Variants in PDE4D observed in about 807,000 individuals in gnomAD.
PDE4D encodes phosphodiesterase 4D, also known as 3',5'-cyclic-AMP phosphodiesterase 4D.
PDE4D carries 24 observed loss-of-function variants against 87.4 expected under a neutral mutation model. The ratio of observed to expected loss-of-function variants is 0.27; its 90% CI spans 0.20 to 0.39. The LOEUF (loss-of-function observed/expected upper bound fraction) is 0.39, where lower values mean the gene tolerates loss of function less well. PDE4D is among the 10% of genes least tolerant of loss of function. PDE4D has a pLI of 1.00. For synonymous variants in PDE4D, 384 were observed against 383.2 expected (o/e 1.00, Z -0.02); for missense variants, 714 against 1,041.0 (o/e 0.69, Z 4.32).
chr5:59,480,421 A>G (rs1804057233), intron 1 of PDE4D, among the ~76,000 whole-genome samples: 1 of 152,272 alleles, frequency 6.6e-6, no homozygotes, highest in Admixed American at 6.5e-5. Flanking sequence ...TCTGAGATTT[A>G]ATAAAAATGC....
chr5:59,302,180 G>T (rs189270088), intron 1 of PDE4D, among the ~76,000 whole-genome samples: 1 of 152,038 alleles, frequency 6.6e-6, no homozygotes, highest in Non-Finnish European at 1.5e-5. Context: ...AAGTTACTGC[G>T]CATGCAAGGA....
intron 1 of PDE4D, among the ~76,000 whole-genome samples, chr5:59,582,994 G>C (rs908549586): frequency 2.0e-5 from 3 of 152,084 alleles, no homozygotes; most frequent in African/African-American, 4.8e-5. Flanking sequence ...GCCTCTCCTA[G>C]CCAGGGCCTT....
chr5:59,634,709 C>G (rs1475766492), intron 1 of PDE4D, among the ~76,000 whole-genome samples: 2 of 152,104 alleles, frequency 1.3e-5, no homozygotes. Flanking sequence ...ATACAATGTA[C>G]CAGAATCTCT....
At chr5:60,390,727 T>G (rs918442131) in intron 1 of PDE4D, among the ~76,000 whole-genome samples, 1 of 151,838 alleles carries the variant, frequency 6.6e-6, no homozygotes, top group Non-Finnish European at 1.5e-5. Context: ...AAGCTACTAT[T>G]AAAAAAATCA....
Position 59,413,708 on chromosome 5 carries a change from T to C in PDE4D, c.456-197740A>G, listed in dbSNP as rs576089189. 4.6e-5 allele frequency among the ~76,000 whole-genome samples: 7 copies of C among 152,320 alleles called. No individual in the cohort carries two copies. In the South Asian group the frequency reaches 1.2e-3, roughly 27 times the overall value. On this transcript the variant is annotated intron_variant, in intron 1 of 14. Transcript: ENST00000340635. ...TAACATCAAACAGCTTTGGAAAAGA[T>C]GTGTAAACACTGTGAATTTTTTGCT...
intron 1 of PDE4D, among the ~76,000 whole-genome samples, chr5:59,457,274 C>A (rs1205505554): frequency 9.9e-5 from 15 of 152,194 alleles, no homozygotes; most frequent in Admixed American, 9.8e-4. Flanking sequence ...AACGTCAAGG[C>A]AAGACTTCCC....
chr5:60,076,795 TTGCA>T (rs1157031045), intron 2 of PDE4D, among the ~76,000 whole-genome samples: 2 of 152,206 alleles, frequency 1.3e-5, no homozygotes, highest in Non-Finnish European at 2.9e-5. Context: ...CTGTTCTCAT[TTGCA>T]TGTGCCAGCA....
chr5:60,376,810 T>C (rs1185659044), intron 1 of PDE4D, among the ~76,000 whole-genome samples: 1 of 152,208 alleles, frequency 6.6e-6, no homozygotes, highest in Non-Finnish European at 1.5e-5. Flanking sequence ...CCTGGAAACT[T>C]TCTCTTCCGC....
At chr5:59,595,784 G>A (rs1826588482) in intron 1 of PDE4D, among the ~76,000 whole-genome samples, 1 of 151,662 alleles carries the variant, frequency 6.6e-6, no homozygotes, top group African/African-American at 2.4e-5. Context: ...CCACCTTTAG[G>A]TCTGCTTGTA....
At chr5:59,155,426 G>A (rs958979206) in intron 5 of PDE4D, among the ~76,000 whole-genome samples, 1 of 152,136 alleles carries the variant, frequency 6.6e-6, no homozygotes, top group African/African-American at 2.4e-5. Flanking sequence ...GAACTAAGAA[G>A]ACAATTAGGA....
chr5:59,511,685 C>G (rs1017134910), intron 1 of PDE4D, among the ~76,000 whole-genome samples: 1 of 151,794 alleles, frequency 6.6e-6, no homozygotes, highest in African/African-American at 2.4e-5. Context: ...GCTTTTTTCA[C>G]TTTGATAAAT....
rs201921285 is a variant in PDE4D, at chr5:59,900,289, T to C, written c.272+88199A>G. On this transcript the variant is annotated intron_variant, in intron 3 of 16. Coordinates refer to the PDE4D transcript ENST00000502484. ...ACACACACACACACACACACACACA[T>C]ATATATATACACTATTTACTTAAAA... 1.2e-3 allele frequency among the ~76,000 whole-genome samples: 153 copies of C among 130,648 alleles called. 1 individual carries two copies. In the East Asian group the frequency reaches 0.019, roughly 17 times the overall value. The allele number at this position is 130,648 out of a possible 152,430, so 85.7% of individuals were successfully genotyped here.
intron 6 of PDE4D, among the ~76,000 whole-genome samples, chr5:58,996,374 A>G (rs1749226285): frequency 6.6e-6 from 1 of 152,234 alleles, no homozygotes; most frequent in African/African-American, 2.4e-5. Context: ...AGTCTGCTAA[A>G]CATTTTAAAC....
At chr5:59,576,428 CAA>C (rs1316154411) in intron 1 of PDE4D, among the ~76,000 whole-genome samples, 2 of 151,826 alleles carry the variant, frequency 1.3e-5, no homozygotes, top group African/African-American at 4.9e-5. Flanking sequence ...TACCTTATCT[CAA>C]AACATAGCAC....
intron 2 of PDE4D, among the ~76,000 whole-genome samples, chr5:60,121,269 TG>T (rs911362580): frequency 1.3e-5 from 2 of 151,908 alleles, no homozygotes; most frequent in African/African-American, 4.8e-5. Flanking sequence ...CTTTAGGGGA[TG>T]AGGAATAAGA....
intron 6 of PDE4D, among the ~76,000 whole-genome samples, chr5:58,995,297 C>A (rs2153346894): frequency 6.6e-6 from 1 of 152,166 alleles, no homozygotes; most frequent in East Asian, 1.9e-4. Context: ...TGTTAAATTT[C>A]CTTTTATGCC....
rs529881323 is a variant in PDE4D, at chr5:59,742,103, G to A, written c.455+151065C>T. Among the ~76,000 whole-genome samples the A allele has an allele frequency of 1.1e-4, 16 of 151,976 alleles. No individual in the cohort carries two copies. In the East Asian group the frequency reaches 1.9e-3, roughly 18 times the overall value. On this transcript the variant is annotated intron_variant, in intron 1 of 14. Transcript: ENST00000340635. Reference sequence around the variant, plus strand: ...GTGTGGATGGAGTTTTGCTCTTGTCGCCCAGGCTGGAGTGCAATGGCGCAG... The same window carrying A: ...GTGTGGATGGAGTTTTGCTCTTGTCACCCAGGCTGGAGTGCAATGGCGCAG...
intron 3 of PDE4D, among the ~76,000 whole-genome samples, chr5:59,914,536 A>ATGTGTGTG (rs34257506): frequency 6.2e-5 from 9 of 145,320 alleles, no homozygotes; most frequent in African/African-American, 1.8e-4. Flanking sequence ...AGGAAGATGT[A>ATGTGTGTG]TGTGTGTGTG....
At chr5:59,831,079 G>A (rs1182884228) in intron 1 of PDE4D, among the ~76,000 whole-genome samples, 4 of 151,912 alleles carry the variant, frequency 2.6e-5, no homozygotes, top group Non-Finnish European at 5.9e-5. Context: ...AGAAAAAATA[G>A]TTTCTGAAAT....
Sources: gnomAD v4.1 joint callset for allele counts (sites outside exome capture counted in the v4.1 genomes callset) on GRCh38, gnomAD v4.1.1 for gene constraint, MANE v1.5 for transcripts, NCBI Gene and HGNC (gene_info 2026-07-23, HGNC 2026-07-21) for gene names.